TAOK1: variants seen among roughly 807,000 people sequenced by gnomAD.
TAOK1 encodes the protein TAO kinase 1, also known as serine/threonine-protein kinase TAO1.
TAOK1 carries 21 observed loss-of-function variants against 138.3 expected under a neutral mutation model. That is an observed-to-expected ratio of 0.15 (90% CI 0.11 to 0.22). The LOEUF (loss-of-function observed/expected upper bound fraction) is 0.22. Ranked by LOEUF, TAOK1 falls within the 10% of genes least tolerant of loss-of-function variation. The probability of loss-of-function intolerance (pLI) is 1.00; values close to 1 mark genes in which losing one functional copy is unlikely to be tolerated. For synonymous variants in TAOK1, 361 were observed against 398.4 expected, an observed-to-expected ratio of 0.91 and a Z score of 1.12; for missense variants, 651 against 1,227.7, an observed-to-expected ratio of 0.53 and a Z score of 7.02.
At chr17:29,418,406 T>C (rs1426401745) in intron 1 of TAOK1, among the ~76,000 whole-genome samples, 1 of 152,014 alleles carries the variant, frequency 6.6e-6, no homozygotes, top group Non-Finnish European at 1.5e-5. Context: ...GGGTCTTGCA[T>C]GTTACCCAAG....
chr17:29,522,259 G>A, intron 16 of TAOK1, 21 bp from the exon 17 acceptor site: 1 of 1,612,106 alleles, frequency 6.2e-7, no homozygotes, highest in Non-Finnish European at 8.5e-7. Context: ...TTATACCTTT[G>A]TCTTTTGTGT....
intron 7 of TAOK1, among the ~76,000 whole-genome samples, chr17:29,480,926 A>G (rs1205390855): frequency 6.6e-6 from 1 of 151,930 alleles, no homozygotes; most frequent in Non-Finnish European, 1.5e-5. Context: ...CTAATTGAAG[A>G]CATGAATTAG....
chr17:29,502,759 T>A, intron 13 of TAOK1, 36 bp downstream of exon 13: 1 of 1,594,206 alleles, frequency 6.3e-7, no homozygotes, highest in Non-Finnish European at 8.5e-7. Context: ...AAATATATTT[T>A]TCATGTGGGA....
chr17:29,439,351 C>A (rs190273412), intron 1 of TAOK1, among the ~76,000 whole-genome samples: 1 of 151,720 alleles, frequency 6.6e-6, no homozygotes, highest in Non-Finnish European at 1.5e-5. Context: ...TACAGGTGCG[C>A]GCCACCATGC....
chr17:29,498,781 G>A (rs1238997959), intron 12 of TAOK1, among the ~76,000 whole-genome samples: 4 of 152,032 alleles, frequency 2.6e-5, no homozygotes, highest in African/African-American at 9.7e-5. Flanking sequence ...AGCTAGGCAT[G>A]GTGGCACGTG....
intron 1 of TAOK1, among the ~76,000 whole-genome samples, chr17:29,410,804 G>T (rs1905124048): frequency 6.8e-6 from 1 of 146,196 alleles, no homozygotes; most frequent in African/African-American, 2.5e-5. Flanking sequence ...CCTGGCTAAC[G>T]TATTTTTTTT....
At chr17:29,394,582 A>T (rs1488350798) in intron 1 of TAOK1, among the ~76,000 whole-genome samples, 4 of 152,166 alleles carry the variant, frequency 2.6e-5, no homozygotes, top group Non-Finnish European at 2.9e-5. Flanking sequence ...TTTCACCTGG[A>T]AATAAAGTCT....
intron 1 of TAOK1, among the ~76,000 whole-genome samples, chr17:29,402,198 CT>C (rs1904865677): frequency 6.6e-6 from 1 of 152,132 alleles, no homozygotes. Context: ...ATCATGGTAA[CT>C]TCTGAGGTTT....
chr17:29,523,081 A>G (rs1225996705), intron 17 of TAOK1, among the ~76,000 whole-genome samples: 2 of 151,892 alleles, frequency 1.3e-5, no homozygotes, highest in African/African-American at 4.8e-5. Flanking sequence ...TCTCAAAAAA[A>G]AAAAAAAAAA....
At chr17:29,457,369 C>T (rs1363213232) in intron 2 of TAOK1, among the ~76,000 whole-genome samples, 1 of 141,886 alleles carries the variant, frequency 7.0e-6, no homozygotes, top group African/African-American at 2.7e-5. Context: ...TCCCACAGTG[C>T]TGGGATTACA....
At chr17:29,459,019 C>T (rs1397955124) in intron 2 of TAOK1, among the ~76,000 whole-genome samples, 1 of 152,014 alleles carries the variant, frequency 6.6e-6, no homozygotes, top group African/African-American at 2.4e-5. Context: ...TTTGCCCAGC[C>T]TAATTTTTGT....
intron 1 of TAOK1, among the ~76,000 whole-genome samples, chr17:29,402,544 A>G (rs919596638): frequency 4.6e-5 from 7 of 152,112 alleles, no homozygotes; most frequent in African/African-American, 1.4e-4. Context: ...AGCTCAAGCA[A>G]TCTGCCTGCC....
intron 10 of TAOK1, among the ~76,000 whole-genome samples, chr17:29,494,581 C>T (rs1026022423): frequency 6.6e-6 from 1 of 152,118 alleles, no homozygotes; most frequent in Non-Finnish European, 1.5e-5. Flanking sequence ...AATCCCAGCA[C>T]TTTGGGAGGG....
Position 29,493,220 on chromosome 17 carries a change from C to T in TAOK1, c.831+1355C>T, listed in dbSNP as rs181436876. Among the ~76,000 whole-genome samples the T allele has an allele frequency of 8.9e-4, 135 of 151,860 alleles. 1 individual carries two copies. The highest frequency in any genetic ancestry group is 2.4e-3 in the Admixed American group (36 of 15,230). On this transcript the variant is annotated intron_variant, in intron 10 of 19. Transcript: ENST00000261716. ...TAAAGAAAAAGTAAGAATGGCCGGG[C>T]GCGGTGGCTCACTCCTGTAATCACA...
At position 29,533,587 on chromosome 17, in the gene TAOK1, C is replaced by A. The variant is rs574506059; in HGVS notation, c.2362-531C>A. On this transcript the variant is annotated intron_variant, in intron 18 of 19. Transcript: ENST00000261716. ...AGTGAACGAGACTCCGTCTGCAATC[C>A]TGGCACCTCGGGAGGCGGAGGCTGG... is the stretch of plus-strand genomic sequence containing the variant. Among the ~76,000 whole-genome samples the A allele has an allele frequency of 2.3e-4, 35 of 152,018 alleles. 1 individual carries two copies. The South Asian group carries it at 6.7e-3, about 29-fold the overall frequency.
Position 29,469,146 on chromosome 17 carries a change from C to A in TAOK1, c.204+1930C>A, listed in dbSNP as rs577731313. 1.4e-4 allele frequency among the ~76,000 whole-genome samples: 22 copies of A among 152,100 alleles called. No homozygotes were observed. In the East Asian group the frequency reaches 4.3e-3, roughly 29 times the overall value. On this transcript the variant is annotated intron_variant, in intron 3 of 19. Coordinates refer to ENST00000261716, the MANE Select transcript of TAOK1 (RefSeq NM_020791.4). ...CCTGTAATCCCAGCACTTTGGGAGG[C>A]CGAGGTGGGTGGATCATTTTGAGCC...
At chr17:29,521,004 C>T (rs1267989429) in intron 16 of TAOK1, among the ~76,000 whole-genome samples, 2 of 151,042 alleles carry the variant, frequency 1.3e-5, no homozygotes, top group Non-Finnish European at 2.9e-5. Context: ...CAAGCCTGGT[C>T]GACAGAGTGA....
chr17:29,498,437 T>A lies in TAOK1; in HGVS notation c.1119T>A (p.Asp373Glu). 2 of 1,614,226 alleles carry A rather than the reference T, an allele frequency of 1.2e-6. No individual in the cohort carries two copies. The highest frequency in any genetic ancestry group is 3.3e-4 in the Middle Eastern group (2 of 6,062). Residue 373 changes from aspartate to glutamate, a missense_variant, in exon 12 of 20, where the codon GAT becomes GAA. Around this residue, in one of 8 missense-constraint regions of TAOK1, gnomAD observed 104 missense variants for 151.7 expected, o/e 0.69. Coordinates refer to ENST00000261716, the MANE Select transcript of TAOK1 (RefSeq NM_020791.4). ...SQSSSVNSLPDVSDDKSELDM... is the reference protein window; with the variant it reads ...SQSSSVNSLPEVSDDKSELDM... ...GCAGTAGTGTTAACAGTCTTCCAGATGTCTCAGATGACAAGAGTGAGCTAG... is the reference window on the plus strand; with the variant it reads ...GCAGTAGTGTTAACAGTCTTCCAGAAGTCTCAGATGACAAGAGTGAGCTAG...
At chr17:29,526,683 G>A (rs1270539981) in intron 17 of TAOK1, among the ~76,000 whole-genome samples, 3 of 151,914 alleles carry the variant, frequency 2.0e-5, no homozygotes, top group Admixed American at 1.3e-4. Flanking sequence ...CAGAGTCTTG[G>A]GATTACAGGC....
Sources: allele counts gnomAD v4.1 joint callset (sites outside exome capture counted in the v4.1 genomes callset), GRCh38; gene constraint gnomAD v4.1.1; regional missense constraint gnomAD v4.1.1; transcripts MANE v1.5; gene names NCBI Gene and HGNC (gene_info 2026-07-23, HGNC 2026-07-21).